The following SMARCE1 variants were observed in gnomAD, a reference collection of about 807,000 sequenced individuals.
SMARCE1 encodes the protein SWI/SNF related BAF chromatin remodeling complex subunit E1.
In SMARCE1, 13 loss-of-function variants were observed where a neutral mutation model predicts 54.9. The observed-to-expected ratio is 0.24, with a 90% CI of 0.15 to 0.38. SMARCE1 has a LOEUF of 0.38. SMARCE1 is among the 10% of genes least tolerant of loss of function. The pLI is 1.00. For missense variants in SMARCE1, 295 were observed against 523.8 expected, an observed-to-expected ratio of 0.56 and a Z score of 4.26; for synonymous variants, 151 against 175.3, an observed-to-expected ratio of 0.86 and a Z score of 1.10.
At position 40,628,213 on chromosome 17, in the gene SMARCE1, C is replaced by T. The variant is rs150549976; in HGVS notation, c.*572G>A. ...TAAGTAACTACTCTAACTATGGGGA[C>T]TATTTCTGGATCAGTAAGATCCAAG... is the stretch of plus-strand genomic sequence containing the variant. On this transcript the variant is annotated 3_prime_UTR_variant, in exon 11 of 11. Coordinates refer to ENST00000348513, the MANE Select transcript of SMARCE1 (RefSeq NM_003079.5). The T allele has an allele frequency of 6.5e-6, 1 of 153,292 alleles. No homozygotes were observed. Among genetic ancestry groups the T allele is most frequent in the African/African-American group, 2.4e-5 (1 of 41,558 alleles). 9.5% of individuals were successfully genotyped at this position (153,292 alleles called of 1,614,324 possible).
rs1011434889 is a variant in SMARCE1 at position 40,642,222 on chromosome 17, C to T, written c.156+233G>A. ...AAGCATCAAGTGCTCAAGGCTTTAA[C>T]CCTACCAACCACCAAACAGAATGGA... On this transcript the variant is annotated intron_variant, in intron 4 of 10. Coordinates refer to ENST00000348513, the MANE Select transcript of SMARCE1 (RefSeq NM_003079.5). The surrounding 1 kb of genome is among the most constrained non-coding windows in gnomAD (Gnocchi z 4.6). 8 of 611,628 alleles carry T rather than the reference C, an allele frequency of 1.3e-5. No individual in the cohort carries two copies. Among genetic ancestry groups the T allele is most frequent in the Non-Finnish European group, 2.3e-5 (8 of 347,308 alleles). The allele number at this position is 611,628 out of a possible 1,614,324, so 37.9% of individuals were successfully genotyped here. A position where few individuals can be genotyped will look rare whatever the true frequency, so the allele number is the denominator to read the frequency against.
intron 8 of SMARCE1, 52 bp downstream of exon 8, chr17:40,632,142 TG>T: frequency 7.3e-7 from 1 of 1,364,030 alleles, no homozygotes; most frequent in Non-Finnish European, 1.0e-6. Flanking sequence ...TCATATCACC[TG>T]GGATTTGTGG....
Position 40,642,401 on chromosome 17 carries a change from A to AT in SMARCE1, c.156+53dup. The AT allele has an allele frequency of 8.8e-7, 1 of 1,133,072 alleles. No individual in the cohort carries two copies. Among genetic ancestry groups the AT allele is most frequent in the Non-Finnish European group, 1.4e-6 (1 of 740,704 alleles). 70.2% of individuals were successfully genotyped at this position (1,133,072 alleles called of 1,614,324 possible). A position where few individuals can be genotyped will look rare whatever the true frequency, so the allele number is the denominator to read the frequency against. Reference sequence around the variant, plus strand: ...TTCAAAAAGACCTAATTCTGAAGGCATTTCTGGTCAATTCCAGTTGTTTGC... The same window carrying AT: ...TTCAAAAAGACCTAATTCTGAAGGCATTTTCTGGTCAATTCCAGTTGTTTGC... On this transcript the variant is annotated intron_variant, in intron 4 of 10. Transcript: ENST00000348513. This position sits in a 1 kb window ranked among gnomAD's most constrained non-coding sequence, Gnocchi z 4.6.
In SMARCE1 at chr17:40,630,753, C is replaced by T. The variant is rs755389218; in HGVS notation, c.988G>A (p.Glu330Lys). The part of the protein sequence containing the change: ...PEEEQAANKG[E>K]EKKDDENIPM... ...ATGTTCTCGTCGTCTTTCTTCTCCT[C>T]GCCTTTGTTAGCTGCTTGTTCTTCC... Residue 330 changes from glutamate (E) to lysine (K), a missense_variant, in exon 10 of 11, where the codon GAG (glutamate) becomes AAG (lysine). Physicochemically the swap from Glu to Lys is moderately conservative, Grantham distance 56 (BLOSUM62 1). This residue lies in a region of SMARCE1 where 147 missense variants were observed against 161.4 expected (regional missense o/e 0.91). Transcript: ENST00000348513. 8.1e-6 allele frequency: 13 copies of T among 1,614,166 alleles called. No homozygotes were observed. The highest frequency in any genetic ancestry group is 3.3e-5 in the South Asian group (3 of 91,084).
intron 5 of SMARCE1, chr17:40,636,889 C>A: frequency 5.7e-6 from 1 of 174,722 alleles, no homozygotes. Flanking sequence ...TTGCATAACA[C>A]GGTACATCAT....
At chr17:40,637,600 T>C (rs1371354310) in intron 4 of SMARCE1, 28 bp from the exon 5 acceptor site, 3 of 1,577,750 alleles carry the variant, frequency 1.9e-6, no homozygotes, top group South Asian at 1.1e-5. Flanking sequence ...ACATTCATTA[T>C]TCAACTGTAA....
At position 40,637,589 on chromosome 17, in the gene SMARCE1, T is replaced by C; in HGVS notation, c.157-17A>G. On this transcript the variant is annotated splice_polypyrimidine_tract_variant and intron_variant, in intron 4 of 10. Coordinates refer to ENST00000348513, the MANE Select transcript of SMARCE1 (RefSeq NM_003079.5). Reference sequence around the variant, plus strand: ...AGAGGATGCCTACGAAAGAGTTAAATACATTCATTATTCAACTGTAAGGAG... The same window carrying C: ...AGAGGATGCCTACGAAAGAGTTAAACACATTCATTATTCAACTGTAAGGAG... 1 of 1,598,966 alleles carries C rather than the reference T, an allele frequency of 6.3e-7. No homozygotes were observed. Among genetic ancestry groups the C allele is most frequent in the South Asian group, 1.1e-5 (1 of 90,792 alleles).
In SMARCE1 at chr17:40,636,138, A is replaced by G. The variant is rs200601824; in HGVS notation, c.370-36T>C. 2.7e-4 allele frequency: 419 copies of G among 1,542,786 alleles called. 2 individuals carry two copies. The African/African-American group carries it at 5.1e-3, about 19-fold the overall frequency. On this transcript the variant is annotated intron_variant, in intron 6 of 10. Coordinates refer to ENST00000348513, the MANE Select transcript of SMARCE1 (RefSeq NM_003079.5). ...AATGTTTTTTGGTTTTATAATTAAC[A>G]TTTTGCAGGTTATAATGCAGACCTA...
intron 4 of SMARCE1, among the ~76,000 whole-genome samples, chr17:40,639,072 C>T (rs1474351149): frequency 6.6e-6 from 1 of 152,130 alleles, no homozygotes; most frequent in Non-Finnish European, 1.5e-5. Context: ...CTTGTCACAC[C>T]TCATGCTAGT....
rs1019294331 is a variant in SMARCE1, at chr17:40,627,742, C to G, written c.*1043G>C. 30 of 152,108 alleles carry G rather than the reference C, an allele frequency of 2.0e-4. No homozygotes were observed. The highest frequency in any genetic ancestry group is 7.0e-4 in the African/African-American group (29 of 41,234). The allele number at this position is 152,108 out of a possible 1,614,324, so 9.4% of individuals were successfully genotyped here. ...CATTTTTTTTTTTATTACATTTGGA[C>G]CTTTAAGAAACATATACCATCAGAT... On this transcript the variant is annotated 3_prime_UTR_variant, in exon 11 of 11. Transcript: ENST00000348513.
intron 5 of SMARCE1, chr17:40,637,133 A>C: frequency 4.5e-6 from 1 of 220,462 alleles, no homozygotes; most frequent in South Asian, 6.2e-5. Context: ...TCCCCCTTCA[A>C]ACTAACATGT....
intron 7 of SMARCE1, chr17:40,634,929 T>A (rs1179373963): frequency 6.6e-6 from 1 of 152,234 alleles, no homozygotes; most frequent in Non-Finnish European, 1.5e-5. Context: ...TAACATTCAA[T>A]ACTGTTTCTA....
At chr17:40,643,470 CA>C (rs1397548066) in intron 3 of SMARCE1, 1 of 152,164 alleles carries the variant, frequency 6.6e-6, no homozygotes, top group Non-Finnish European at 1.5e-5. Flanking sequence ...GATGTAATCA[CA>C]AATGGGCTCT....
At chr17:40,630,614 G>A in intron 10 of SMARCE1, 100 bp downstream of exon 10, 1 of 886,778 alleles carries the variant, frequency 1.1e-6, no homozygotes, top group Non-Finnish European at 1.9e-6. Flanking sequence ...CACCCTCAGT[G>A]GCAGGTACCA....
In SMARCE1 at chr17:40,628,842, A is replaced by G; in HGVS notation, c.1179T>C (p.Ser393=). The change falls in exon 11 of 11, where the codon AGT becomes AGC. Residue 393 remains serine, a synonymous_variant. Coordinates refer to ENST00000348513, the MANE Select transcript of SMARCE1 (RefSeq NM_003079.5). ...CTGTTGGTGGCTCCTCCACTGTTGCACTGTTGCTCTCCGAGCCAGTGTTAC... is the reference window on the plus strand; with the variant it reads ...CTGTTGGTGGCTCCTCCACTGTTGCGCTGTTGCTCTCCGAGCCAGTGTTAC... ...SDSNTGSESN[S]ATVEEPPTDP... is the part of the protein sequence containing the mutation. 1 of 1,613,786 alleles carries G rather than the reference A, an allele frequency of 6.2e-7. No homozygotes were observed. Among genetic ancestry groups the G allele is most frequent in the Non-Finnish European group, 8.5e-7 (1 of 1,179,826 alleles).
chr17:40,634,128 C>CTT, intron 7 of SMARCE1: 1 of 149,528 alleles, frequency 6.7e-6, no homozygotes, highest in Non-Finnish European at 1.5e-5. Context: ...CACATGCCCT[C>CTT]TTTTTTTTTT....
intron 3 of SMARCE1, chr17:40,644,691 G>A (rs1280556631): frequency 6.6e-6 from 1 of 152,176 alleles, no homozygotes; most frequent in African/African-American, 2.4e-5. Context: ...GTAAATATGA[G>A]TAGTTTTTTA....
chr17:40,633,882 T>G (rs1204148912), intron 7 of SMARCE1: 1 of 152,218 alleles, frequency 6.6e-6, no homozygotes, highest in African/African-American at 2.4e-5. Context: ...GTCTAAGTTA[T>G]CTGTTTTTGT....
intron 1 of SMARCE1, among the ~76,000 whole-genome samples, chr17:40,647,012 G>A (rs946162784): frequency 6.6e-6 from 1 of 151,996 alleles, no homozygotes; most frequent in African/African-American, 2.4e-5. Context: ...TCGCTGCAGG[G>A]GACCCTGACA....
Sources: allele counts gnomAD v4.1 joint callset (sites outside exome capture counted in the v4.1 genomes callset), GRCh38; gene constraint gnomAD v4.1.1; regional missense constraint gnomAD v4.1.1; non-coding constraint Gnocchi (gnomAD v3.1); transcripts MANE v1.5; gene names NCBI Gene and HGNC (gene_info 2026-07-23, HGNC 2026-07-21).